Variants in MTMR8 observed in about 807,000 individuals in gnomAD.
The protein encoded by MTMR8 is myotubularin related protein 8, also known as phosphatidylinositol-3,5-bisphosphate 3-phosphatase MTMR8.
MTMR8 carries 65 observed loss-of-function variants against 39.3 expected under a neutral mutation model. The ratio of observed to expected loss-of-function variants is 1.65; its 90% CI spans 1.35 to 2.03. The LOEUF (loss-of-function observed/expected upper bound fraction) is 2.03. Among genes scored for constraint, MTMR8 ranks in the 30% most tolerant of loss-of-function variants. MTMR8 has a pLI of 0.00. For synonymous variants in MTMR8, 245 were observed against 185.2 expected (o/e 1.32, Z -2.62); for missense variants, 777 against 538.9 (o/e 1.44, Z -4.37).
At chrX:64,283,777 G>T (rs1294340417) in intron 12 of MTMR8, among the ~76,000 whole-genome samples, 1 of 112,448 alleles carries the variant, frequency 8.9e-6, no homozygotes, top group Non-Finnish European at 1.9e-5. Flanking sequence ...ACTGTTAAAA[G>T]GAAAACTAAC....
intron 1 of MTMR8, among the ~76,000 whole-genome samples, chrX:64,372,428 G>GATAC (rs1924152511): frequency 3.6e-5 from 4 of 111,013 alleles, no homozygotes; most frequent in African/African-American, 9.8e-5. Context: ...GCACAATCAT[G>GATAC]ATACATACAT....
chrX:64,379,981 C>T (rs1022336874), intron 1 of MTMR8, among the ~76,000 whole-genome samples: 12 of 111,192 alleles, frequency 1.1e-4, no homozygotes, highest in Non-Finnish European at 2.1e-4. Context: ...AAATCCAATC[C>T]CCAATAATGA....
intron 1 of MTMR8, among the ~76,000 whole-genome samples, chrX:64,383,631 G>A (rs1180035701): frequency 9.1e-6 from 1 of 109,413 alleles, no homozygotes. Context: ...GTAAAATGGG[G>A]GGAAGAAGCC....
At chrX:64,290,819 A>T (rs1249005204) in intron 12 of MTMR8, among the ~76,000 whole-genome samples, 2 of 112,315 alleles carry the variant, frequency 1.8e-5, no homozygotes, top group Admixed American at 9.4e-5. Flanking sequence ...GCAGTATTCC[A>T]TGGTACAGAT....
At chrX:64,357,023 T>C (rs1042665510) in intron 2 of MTMR8, among the ~76,000 whole-genome samples, 4 of 111,946 alleles carry the variant, frequency 3.6e-5, no homozygotes, top group African/African-American at 1.3e-4. Flanking sequence ...AAGCAAAGAA[T>C]GTAGGATGAT....
intron 12 of MTMR8, among the ~76,000 whole-genome samples, chrX:64,285,226 A>G (rs1172221951): frequency 1.8e-5 from 2 of 111,912 alleles, no homozygotes; most frequent in African/African-American, 3.3e-5. Flanking sequence ...GAGACAAAGA[A>G]GGCCATTACA....
Position 64,278,459 on chromosome X carries a change from G to GTTTTTTTTTTTTT in MTMR8, c.1482-7387_1482-7386insAAAAAAAAAAAAA, listed in dbSNP as rs1931928205. Among the ~76,000 whole-genome samples the GTTTTTTTTTTTTT allele has an allele frequency of 7.4e-4, 37 of 49,853 alleles. 13 individuals are homozygous for GTTTTTTTTTTTTT. Among genetic ancestry groups the GTTTTTTTTTTTTT allele is most frequent in the African/African-American group, 4.0e-3 (35 of 8,740 alleles). 43.3% of individuals were successfully genotyped at this position (49,853 alleles called of 115,157 possible). Reference sequence around the variant, plus strand: ...TGATGTTGATGCTATTTATTTTGCTGGTTTTTTTTTTTTTTTTTTTTTTTT... The same window carrying GTTTTTTTTTTTTT: ...TGATGTTGATGCTATTTATTTTGCTGTTTTTTTTTTTTTGTTTTTTTTTTTTTTTTTTTTTTTT... On this transcript the variant is annotated intron_variant, in intron 12 of 13. Transcript: ENST00000374852.
chrX:64,326,837 A>C (rs761367685), intron 12 of MTMR8, among the ~76,000 whole-genome samples: 2 of 111,088 alleles, frequency 1.8e-5, no homozygotes, highest in East Asian at 5.6e-4. Context: ...AAATAGAATG[A>C]TACTGATCTA....
Position 64,317,111 on chromosome X carries a change from CA to C in MTMR8, c.1481+11660del, listed in dbSNP as rs1203927676. Among the ~76,000 whole-genome samples the C allele has an allele frequency of 8.2e-3, 380 of 46,081 alleles. 3 individuals carry two copies. The highest frequency in any genetic ancestry group is 0.017 in the African/African-American group (267 of 16,011). 40.0% of individuals were successfully genotyped at this position (46,081 alleles called of 115,157 possible). ...TGGATGACAGAGCGAGACTGTGTCTCAAAAAAAAAAAAAAAAAAGAATATTT... is the reference window on the plus strand; with the variant it reads ...TGGATGACAGAGCGAGACTGTGTCTCAAAAAAAAAAAAAAAAAGAATATTT... On this transcript the variant is annotated intron_variant, in intron 12 of 13. Coordinates refer to ENST00000374852, the MANE Select transcript of MTMR8 (RefSeq NM_017677.4).
chrX:64,272,365 A>G (rs1009069236), intron 12 of MTMR8, among the ~76,000 whole-genome samples: 3 of 111,832 alleles, frequency 2.7e-5, no homozygotes, highest in Non-Finnish European at 5.6e-5. Context: ...GATGTCTTAA[A>G]GCTGAAGAAT....
chrX:64,330,994 A>T (rs1248758402), intron 11 of MTMR8, among the ~76,000 whole-genome samples: 2 of 111,729 alleles, frequency 1.8e-5, no homozygotes, highest in African/African-American at 3.2e-5. Flanking sequence ...GGGATAAAAG[A>T]CTACAAATTG....
At chrX:64,269,228 A>G (rs971782527) in intron 13 of MTMR8, among the ~76,000 whole-genome samples, 185 bp from the exon 14 acceptor site, 14 of 111,255 alleles carry the variant, frequency 1.3e-4, no homozygotes. Context: ...AAGCCCTACC[A>G]TTGAAGAATG....
intron 12 of MTMR8, among the ~76,000 whole-genome samples, chrX:64,278,735 G>A (rs1263909831): frequency 9.0e-6 from 1 of 110,613 alleles, no homozygotes; most frequent in East Asian, 2.8e-4. Flanking sequence ...GCCTTCCAAA[G>A]TACTGGGATT....
intron 3 of MTMR8, 135 bp downstream of exon 3, chrX:64,356,041 C>A: frequency 1.7e-6 from 1 of 594,557 alleles, no homozygotes; most frequent in Non-Finnish European, 2.6e-6. Context: ...ATATAACTTG[C>A]CCAAATATAA....
At chrX:64,306,254 G>T in intron 12 of MTMR8, 1 of 338,483 alleles carries the variant, frequency 3.0e-6, no homozygotes, top group South Asian at 3.1e-5. Flanking sequence ...GTGAATGGAG[G>T]AGCCTCAGGA....
intron 12 of MTMR8, among the ~76,000 whole-genome samples, chrX:64,302,294 A>G (rs1462715828): frequency 1.8e-5 from 2 of 112,300 alleles, no homozygotes. Flanking sequence ...GCCGGTCTGA[A>G]AAGCGCAATA....
At chrX:64,394,845 G>C (rs1357783091) in intron 1 of MTMR8, among the ~76,000 whole-genome samples, 1 of 112,288 alleles carries the variant, frequency 8.9e-6, no homozygotes, top group Non-Finnish European at 1.9e-5. Context: ...CAGGCATGCC[G>C]TGGAGCTGGA....
At chrX:64,389,394 C>A (rs1185759462) in intron 1 of MTMR8, among the ~76,000 whole-genome samples, 1 of 111,314 alleles carries the variant, frequency 9.0e-6, no homozygotes, top group African/African-American at 3.3e-5. Context: ...AGTATTTTAC[C>A]ACAAAAACCA....
chrX:64,356,131 G>A, intron 3 of MTMR8, 45 bp downstream of exon 3: 6 of 1,154,512 alleles, frequency 5.2e-6, no homozygotes, highest in Non-Finnish European at 7.0e-6. Flanking sequence ...TGCCATTTTG[G>A]AAAAATATTA....
Sources: allele counts gnomAD v4.1 joint callset (sites outside exome capture counted in the v4.1 genomes callset), GRCh38; gene constraint gnomAD v4.1.1; transcripts MANE v1.5; gene names NCBI Gene and HGNC (gene_info 2026-07-23, HGNC 2026-07-21).